The following TP73 variants were observed in gnomAD, a reference collection of about 807,000 sequenced individuals.
The protein encoded by TP73 is tumor protein p73.
Under a neutral mutation model 62.5 loss-of-function variants are expected in TP73, and 25 were observed. The ratio of observed to expected loss-of-function variants is 0.40; its 90% CI spans 0.29 to 0.56. The LOEUF (loss-of-function observed/expected upper bound fraction) is 0.56, where lower values mean the gene tolerates loss of function less well. TP73 is among the 20% of genes least tolerant of loss of function. TP73 has a pLI of 0.46. For missense variants in TP73, 754 were observed against 913.3 expected (o/e 0.83, Z 2.25); for synonymous variants, 423 against 377.5 (o/e 1.12, Z -1.40).
chr1:3,706,936 C>T (rs1243195194), intron 3 of TP73, among the ~76,000 whole-genome samples: 2 of 152,132 alleles, frequency 1.3e-5, no homozygotes, highest in African/African-American at 2.4e-5. Flanking sequence ...GGGGTGAGGC[C>T]GTTCACCGAG....
Position 3,676,038 on chromosome 1 carries a change from C to A in TP73, c.-33-6295C>A, listed in dbSNP as rs544415477. Among the ~76,000 whole-genome samples, 9 of 151,026 alleles carry A rather than the reference C, an allele frequency of 6.0e-5. No individual in the cohort carries two copies. The East Asian group carries it at 9.9e-4, about 17-fold the overall frequency. On this transcript the variant is annotated intron_variant, in intron 1 of 13. Coordinates refer to ENST00000378295, the MANE Select transcript of TP73 (RefSeq NM_005427.4). Reference sequence around the variant, plus strand: ...TGAACACAGAGAGCACATAGCCAGGCATGTGGGGACTGGGGACAGGGGACA... The same window carrying A: ...TGAACACAGAGAGCACATAGCCAGGAATGTGGGGACTGGGGACAGGGGACA...
intron 4 of TP73, among the ~76,000 whole-genome samples, chr1:3,720,714 C>T (rs1641003575): frequency 6.6e-6 from 1 of 152,242 alleles, no homozygotes; most frequent in Non-Finnish European, 1.5e-5. Context: ...TGCCAAGGAC[C>T]TATGTGGCTC....
In TP73 at chr1:3,730,129, A is replaced by G; in HGVS notation, c.1326A>G (p.Thr442=). 6.4e-7 allele frequency: 1 copy of G among 1,561,558 alleles called. No homozygotes were observed. The highest frequency in any genetic ancestry group is 1.4e-5 in the African/African-American group (1 of 73,810). Residue 442 remains threonine (T), a synonymous_variant, in exon 11 of 14, where the codon ACA becomes ACG. Coordinates refer to ENST00000378295, the MANE Select transcript of TP73 (RefSeq NM_005427.4). ...GQPPPHSSAA[T]PNLGPVGPGM... ...CTCCCCCGCACAGTTCGGCAGCTACACCCAACCTGGGGCCCGTGGGTGAGT... is the reference window on the plus strand; with the variant it reads ...CTCCCCCGCACAGTTCGGCAGCTACGCCCAACCTGGGGCCCGTGGGTGAGT...
rs1365705485 is a variant in TP73, at chr1:3,670,598, G to A, written c.-33-11735G>A. 2.6e-5 allele frequency among the ~76,000 whole-genome samples: 4 copies of A among 152,200 alleles called. No individual in the cohort carries two copies. Among genetic ancestry groups the A allele is most frequent in the South Asian group, 2.1e-4 (1 of 4,822 alleles). On this transcript the variant is annotated intron_variant, in intron 1 of 13. Transcript: ENST00000378295. This position sits in a 1 kb window ranked among gnomAD's most constrained non-coding sequence, Gnocchi z 5.9. Reference sequence around the variant, plus strand: ...GAAGAATCATTTGAACCTGGAAGGCGGAGGTTGCAGTGAGCTGAGATCGTA... The same window carrying A: ...GAAGAATCATTTGAACCTGGAAGGCAGAGGTTGCAGTGAGCTGAGATCGTA...
intron 1 of TP73, among the ~76,000 whole-genome samples, chr1:3,676,073 C>T (rs540570046): frequency 7.2e-4 from 108 of 149,810 alleles, no homozygotes; most frequent in South Asian, 1.5e-3. Context: ...AAGGAGGGCA[C>T]CCATGGGGAC....
At position 3,722,169 on chromosome 1, in the gene TP73, G is replaced by A. The variant is rs765907867; in HGVS notation, c.578G>A (p.Arg193His). 2 of 1,612,630 alleles carry A rather than the reference G, an allele frequency of 1.2e-6. No homozygotes were observed. Among genetic ancestry groups the A allele is most frequent in the Non-Finnish European group, 8.5e-7 (1 of 1,179,824 alleles). The change falls in exon 5 of 14, where the codon CGC becomes CAC. Residue 193 changes from arginine to histidine, a missense_variant. Physicochemically the swap from Arg to His is conservative, Grantham distance 29. Around this residue, in one of 3 missense-constraint regions of TP73, gnomAD observed 61 missense variants for 133.2 expected, o/e 0.46. Transcript: ENST00000378295. ...GAGCACGTGACCGACGTCGTGAAAC[G>A]CTGCCCCAACCACGAGCTCGGGAGG... Reference protein sequence around the residue: ...KAEHVTDVVKRCPNHELGRDF... With the variant: ...KAEHVTDVVKHCPNHELGRDF...
intron 3 of TP73, among the ~76,000 whole-genome samples, chr1:3,692,999 G>A (rs775011105): frequency 3.3e-5 from 5 of 152,276 alleles, no homozygotes; most frequent in South Asian, 4.1e-4. Flanking sequence ...ACTGTGGTTC[G>A]TTCGTTCATT....
chr1:3,731,148 C>A, intron 12 of TP73, 83 bp downstream of exon 12: 1 of 1,534,160 alleles, frequency 6.5e-7, no homozygotes. Flanking sequence ...AGCTGCCCTG[C>A]CCCACCCTGT....
chr1:3,677,850 C>T (rs1122639), intron 1 of TP73, among the ~76,000 whole-genome samples: 58,261 of 151,740 alleles, frequency 0.38, 11,561 homozygotes, highest in Admixed American at 0.48. Context: ...CATGCCATCA[C>T]GCCCTCATGC....
In TP73 at chr1:3,701,598, G is replaced by A. The variant is rs547277298; in HGVS notation, c.187-5951G>A. The stretch of plus-strand genomic sequence containing the variant: ...CAGCTCACTGCAACCTCTGCCTCCC[G>A]GGTTCAAGCAATTCTCCTTGCTCAT... On this transcript the variant is annotated intron_variant, in intron 3 of 13. Transcript: ENST00000378295. This position sits in a 1 kb window ranked among gnomAD's most constrained non-coding sequence, Gnocchi z 4.7. 1.7e-4 allele frequency among the ~76,000 whole-genome samples: 26 copies of A among 152,218 alleles called. No homozygotes were observed. In the South Asian group the frequency reaches 2.3e-3, roughly 13 times the overall value.
intron 9 of TP73, among the ~76,000 whole-genome samples, chr1:3,728,931 C>T (rs1570640810): frequency 6.6e-6 from 1 of 151,994 alleles, no homozygotes; most frequent in Non-Finnish European, 1.5e-5. Flanking sequence ...AAGGCTGCAG[C>T]GAGCTATGAT....
rs1486750725 is a variant in TP73 at position 3,666,548 on chromosome 1, T to C, written c.-34+13907T>C. ...GGGGAGAAAGGAAGGGGTCTGACAGTGAAGGTGGGTGCGTGGGCGGGGGGC... is the reference window on the plus strand; with the variant it reads ...GGGGAGAAAGGAAGGGGTCTGACAGCGAAGGTGGGTGCGTGGGCGGGGGGC... On this transcript the variant is annotated intron_variant, in intron 1 of 13. Transcript: ENST00000378295. The surrounding 1 kb of genome is among the most constrained non-coding windows in gnomAD (Gnocchi z 6.4). Among the ~76,000 whole-genome samples, 1 of 151,872 alleles carries C rather than the reference T, an allele frequency of 6.6e-6. No homozygotes were observed. The highest frequency in any genetic ancestry group is 1.5e-5 in the Non-Finnish European group (1 of 67,950).
In TP73 at chr1:3,733,895, A is replaced by G. The variant is rs1362637397; in HGVS notation, c.*816A>G. On this transcript the variant is annotated 3_prime_UTR_variant, in exon 14 of 14. Transcript: ENST00000378295. ...AATTGTCAATATTTGATAAAATGAT[A>G]CCCTTTTCTACATGGTGGGTCAGCT... The G allele has an allele frequency of 6.8e-6, 1 of 146,938 alleles. No individual in the cohort carries two copies. The allele number at this position is 146,938 out of a possible 1,614,324, so 9.1% of individuals were successfully genotyped here.
At chr1:3,720,198 GA>G (rs1401308681) in intron 4 of TP73, among the ~76,000 whole-genome samples, 1 of 152,214 alleles carries the variant, frequency 6.6e-6, no homozygotes, top group African/African-American at 2.4e-5. Flanking sequence ...TTACAGGCGT[GA>G]GCCACCGCCC....
In TP73 at chr1:3,701,640, G is replaced by A. The variant is rs1011417876; in HGVS notation, c.187-5909G>A. 6.6e-6 allele frequency among the ~76,000 whole-genome samples: 1 copy of A among 152,110 alleles called. No individual in the cohort carries two copies. The highest frequency in any genetic ancestry group is 2.4e-5 in the African/African-American group (1 of 41,376). The stretch of plus-strand genomic sequence containing the variant: ...CTTGCTCATCCTCCCAAGTAGCTGG[G>A]ATTACAGGTGCCCACCACCACGCCC... On this transcript the variant is annotated intron_variant, in intron 3 of 13. Coordinates refer to ENST00000378295, the MANE Select transcript of TP73 (RefSeq NM_005427.4). This position sits in a 1 kb window ranked among gnomAD's most constrained non-coding sequence, Gnocchi z 4.7.
In TP73 at chr1:3,732,807, G is replaced by C; in HGVS notation, c.1639G>C (p.Asp547His). The change falls in exon 14 of 14, where the codon GAC becomes CAC. Residue 547 changes from aspartate to histidine, a missense_variant. This residue lies in a region of TP73 where 458 missense variants were observed against 528.7 expected (regional missense o/e 0.87). Coordinates refer to ENST00000378295, the MANE Select transcript of TP73 (RefSeq NM_005427.4). ...CATGACCATCTGGCGGGGCCTGCAG[G>C]ACCTGAAGCAGGGCCACGACTACAG... ...YRMTIWRGLQ[D>H]LKQGHDYSTA... The C allele has an allele frequency of 6.2e-7, 1 of 1,607,704 alleles. No homozygotes were observed. The highest frequency in any genetic ancestry group is 1.1e-5 in the South Asian group (1 of 90,908).
At position 3,735,580 on chromosome 1, in the gene TP73, A is replaced by G. The variant is rs1478342952; in HGVS notation, c.*2501A>G. 1 of 152,266 alleles carries G rather than the reference A, an allele frequency of 6.6e-6. No individual in the cohort carries two copies. The highest frequency in any genetic ancestry group is 1.5e-5 in the Non-Finnish European group (1 of 68,052). 9.4% of individuals were successfully genotyped at this position (152,266 alleles called of 1,614,324 possible). A position where few individuals can be genotyped will look rare whatever the true frequency, so the allele number is the denominator to read the frequency against. ...ACAGAGTTGAGACTTCGCCGTGGTC[A>G]GGAGAAAATGCAAATTCCCAGGAAC... On this transcript the variant is annotated 3_prime_UTR_variant, in exon 14 of 14. Transcript: ENST00000378295.
chr1:3,707,596 C>T lies in TP73; in HGVS notation c.234C>T (p.Arg78=), dbSNP rs201173391. The T allele has an allele frequency of 3.6e-5, 58 of 1,612,478 alleles. No homozygotes were observed. The South Asian group carries it at 4.5e-4, about 13-fold the overall frequency. The change falls in exon 4 of 14, where the codon CGC becomes CGT. Residue 78 remains arginine (R), a synonymous_variant. Transcript: ENST00000378295. Reference sequence around the variant, plus strand: ...GCACCATGGACCAGATGAGCAGCCGCGCGGCCTCGGCCAGCCCCTACACCC... The same window carrying T: ...GCACCATGGACCAGATGAGCAGCCGTGCGGCCTCGGCCAGCCCCTACACCC... ...LSSTMDQMSS[R]AASASPYTPE... is the part of the protein sequence containing the mutation.
At position 3,732,951 on chromosome 1, in the gene TP73, A is replaced by C. The variant is rs1433665637; in HGVS notation, c.1783A>C (p.Thr595Pro). Residue 595 changes from threonine (T) to proline (P), a missense_variant, in exon 14 of 14, where the codon ACC (threonine) becomes CCC (proline). Around this residue, in one of 3 missense-constraint regions of TP73, gnomAD observed 458 missense variants for 528.7 expected, o/e 0.87. Transcript: ENST00000378295. The stretch of plus-strand genomic sequence containing the variant: ...GCACTTCCGCGTGCGCCACACCATC[A>C]CCATCCCCAACCGCGGCGGCCCAGG... ...AVHFRVRHTITIPNRGGPGGG... is the reference protein window; with the variant it reads ...AVHFRVRHTIPIPNRGGPGGG... 6.2e-7 allele frequency: 1 copy of C among 1,607,838 alleles called. No individual in the cohort carries two copies. The highest frequency in any genetic ancestry group is 2.2e-5 in the East Asian group (1 of 44,704).
Sources: gnomAD v4.1 joint callset for allele counts (sites outside exome capture counted in the v4.1 genomes callset) on GRCh38, gnomAD v4.1.1 for gene constraint, gnomAD v4.1.1 regional missense constraint, Gnocchi (gnomAD v3.1) non-coding constraint, MANE v1.5 for transcripts, NCBI Gene and HGNC (gene_info 2026-07-23, HGNC 2026-07-21) for gene names.